The following BACH2 variants were observed in gnomAD, a reference collection of about 807,000 sequenced individuals.
BACH2 encodes transcription regulator protein BACH2.
In BACH2, 5 loss-of-function variants were observed where a neutral mutation model predicts 61.8. That is an observed-to-expected ratio of 0.08 (90% CI 0.04 to 0.17). The LOEUF (loss-of-function observed/expected upper bound fraction) is 0.17. Among genes scored for constraint, BACH2 ranks in the 10% least tolerant of loss-of-function variants. The pLI is 1.00. For synonymous variants in BACH2, 446 were observed against 440.1 expected, an observed-to-expected ratio of 1.01 and a Z score of -0.17; for missense variants, 824 against 1,091.1, an observed-to-expected ratio of 0.76 and a Z score of 3.45.
intron 4 of BACH2, among the ~76,000 whole-genome samples, chr6:90,194,650 T>C (rs1354271036): frequency 6.6e-6 from 1 of 152,212 alleles, no homozygotes; most frequent in Non-Finnish European, 1.5e-5. Flanking sequence ...CACTCCAAAC[T>C]GTTAGGGAAC....
intron 5 of BACH2, among the ~76,000 whole-genome samples, chr6:90,054,516 T>C (rs1482099693): frequency 6.6e-6 from 1 of 152,218 alleles, no homozygotes; most frequent in African/African-American, 2.4e-5. Context: ...CAAGGAGGCC[T>C]GCCTGCCTCT....
At chr6:90,114,224 G>A (rs533613081) in intron 4 of BACH2, among the ~76,000 whole-genome samples, 7 of 151,928 alleles carry the variant, frequency 4.6e-5, no homozygotes, top group East Asian at 1.9e-4. Flanking sequence ...AAAAGAAAAC[G>A]TCAGGCCAAT....
At chr6:90,124,221 G>A (rs1407512493) in intron 4 of BACH2, among the ~76,000 whole-genome samples, 1 of 152,134 alleles carries the variant, frequency 6.6e-6, no homozygotes, top group Non-Finnish European at 1.5e-5. Flanking sequence ...TTAAAAAAAC[G>A]TGTCCAACAG....
At chr6:90,271,315 T>C (rs974071622) in intron 2 of BACH2, among the ~76,000 whole-genome samples, 1 of 123,902 alleles carries the variant, frequency 8.1e-6, no homozygotes, top group South Asian at 2.4e-4. Flanking sequence ...AAAGGACTAA[T>C]ATCCAGAATC....
chr6:90,264,985 CTT>C (rs1562532883), intron 2 of BACH2, among the ~76,000 whole-genome samples: 1 of 152,152 alleles, frequency 6.6e-6, no homozygotes, highest in East Asian at 1.9e-4. Context: ...GACAAGAATG[CTT>C]TTTCAAATGT....
intron 1 of BACH2, among the ~76,000 whole-genome samples, chr6:90,295,185 G>GT: frequency 6.6e-6 from 1 of 152,186 alleles, no homozygotes; most frequent in South Asian, 2.1e-4. Context: ...CGGCGACGGC[G>GT]GTGACCGGGA....
chr6:89,976,812 G>A (rs1443012196), intron 6 of BACH2, among the ~76,000 whole-genome samples: 2 of 152,130 alleles, frequency 1.3e-5, no homozygotes, highest in Non-Finnish European at 2.9e-5. Flanking sequence ...GGAGATAATT[G>A]TCCAGATACC....
intron 4 of BACH2, among the ~76,000 whole-genome samples, chr6:90,155,401 T>C (rs939961858): frequency 1.3e-5 from 2 of 152,200 alleles, no homozygotes; most frequent in Admixed American, 6.5e-5. Context: ...AACATCATTT[T>C]TGGAAAAGGA....
intron 1 of BACH2, among the ~76,000 whole-genome samples, chr6:90,290,630 T>G (rs146529750): frequency 6.6e-6 from 1 of 152,248 alleles, no homozygotes; most frequent in Non-Finnish European, 1.5e-5. Flanking sequence ...ATGCTGAGCA[T>G]GTACATTCAC....
At chr6:90,041,679 T>G (rs1779543212) in intron 5 of BACH2, among the ~76,000 whole-genome samples, 1 of 152,196 alleles carries the variant, frequency 6.6e-6, no homozygotes. Context: ...TTTTTAAATT[T>G]ATCTGTAAAA....
Position 90,256,996 on chromosome 6 carries a change from G to A in BACH2, c.-352-4406C>T, listed in dbSNP as rs1005276361. On this transcript the variant is annotated intron_variant, in intron 2 of 8. Coordinates refer to ENST00000257749, the MANE Select transcript of BACH2 (RefSeq NM_021813.4). The stretch of plus-strand genomic sequence containing the variant: ...AATATGTCTTTCTTTGGCGTATTTC[G>A]CTTAGCACAATGGGCTTTCCCATGT... 4.6e-5 allele frequency among the ~76,000 whole-genome samples: 7 copies of A among 152,050 alleles called. No individual in the cohort carries two copies. The East Asian group carries it at 5.8e-4, about 13-fold the overall frequency.
rs188927020 is a variant in BACH2 at position 89,932,597 on chromosome 6, G to T, written c.2337C>A (p.Pro779=). The change falls in exon 9 of 9, where the codon CCC becomes CCA. Residue 779 remains proline (P), a synonymous_variant. Transcript: ENST00000257749. ...CGGAGGTGTTGCTGGGTGCCCAGGG[G>T]GGTCCGGGGGGAGCCGCGCCTGGCT... ...CLEPGAAPPG[P]PWAPSNTSEN... is the part of the protein sequence containing the mutation. The T allele has an allele frequency of 2.8e-5, 46 of 1,614,104 alleles. No individual in the cohort carries two copies. In the African/African-American group the frequency reaches 5.3e-4, roughly 19 times the overall value.
intron 1 of BACH2, among the ~76,000 whole-genome samples, chr6:90,295,802 TAG>T: frequency 6.6e-6 from 1 of 152,208 alleles, no homozygotes; most frequent in Non-Finnish European, 1.5e-5. Flanking sequence ...GATCTTTCGC[TAG>T]GAGAGATTCG....
intron 4 of BACH2, among the ~76,000 whole-genome samples, chr6:90,162,092 G>A (rs1056399647): frequency 1.3e-5 from 2 of 152,032 alleles, no homozygotes; most frequent in Admixed American, 6.5e-5. Context: ...GCTTCTTCAC[G>A]ATTTTTGGAC....
At chr6:90,141,584 G>C (rs900091605) in intron 4 of BACH2, among the ~76,000 whole-genome samples, 1 of 150,174 alleles carries the variant, frequency 6.7e-6, no homozygotes, top group Non-Finnish European at 1.5e-5. Flanking sequence ...TTACCAATGA[G>C]AATACAAAAT....
intron 3 of BACH2, among the ~76,000 whole-genome samples, chr6:90,223,943 T>C (rs1769826823): frequency 6.6e-6 from 1 of 152,214 alleles, no homozygotes; most frequent in African/African-American, 2.4e-5. Context: ...TTTGCTACTC[T>C]TACTACTTAC....
At chr6:90,262,784 T>C (rs578018950) in intron 2 of BACH2, among the ~76,000 whole-genome samples, 1 of 152,294 alleles carries the variant, frequency 6.6e-6, no homozygotes, top group East Asian at 1.9e-4. Flanking sequence ...GCCACAAAGA[T>C]AGCTCAAGAG....
At chr6:89,973,548 C>A (rs1202819568) in intron 6 of BACH2, among the ~76,000 whole-genome samples, 1 of 152,170 alleles carries the variant, frequency 6.6e-6, no homozygotes, top group Non-Finnish European at 1.5e-5. Context: ...TTTTAAGGAC[C>A]CTTGTAATCA....
intron 5 of BACH2, among the ~76,000 whole-genome samples, chr6:90,045,497 C>A (rs75199762): frequency 6.6e-6 from 1 of 152,172 alleles, no homozygotes; most frequent in South Asian, 2.1e-4. Context: ...TAACACTGTA[C>A]GTGCAACTTG....
Sources: allele counts gnomAD v4.1 joint callset (sites outside exome capture counted in the v4.1 genomes callset), GRCh38; gene constraint gnomAD v4.1.1; transcripts MANE v1.5; gene names NCBI Gene and HGNC (gene_info 2026-07-23, HGNC 2026-07-21).